SSBP3: variants seen among roughly 807,000 people sequenced by gnomAD.
SSBP3 encodes the protein single stranded DNA binding protein 3, also known as single-stranded DNA-binding protein 3.
SSBP3 carries 5 observed loss-of-function variants against 69.6 expected under a neutral mutation model. That is an observed-to-expected ratio of 0.07 (90% confidence interval 0.04 to 0.15). The LOEUF (loss-of-function observed/expected upper bound fraction) is 0.15, where lower values mean the gene tolerates loss of function less well. SSBP3 is among the 10% of genes least tolerant of loss of function. The pLI, the probability that SSBP3 is intolerant of heterozygous loss-of-function variation, is 1.00. For synonymous variants in SSBP3, 196 were observed against 193.4 expected, an observed-to-expected ratio of 1.01 and a Z score of -0.11; for missense variants, 312 against 534.0, an observed-to-expected ratio of 0.58 and a Z score of 4.10.
chr1:54,406,507 C>A (rs367822119), upstream of SSBP3: 1 of 152,308 alleles, frequency 6.6e-6, no homozygotes. Flanking sequence ...GGGCCCGGGC[C>A]GGCTGGGAGG....
chr1:54,330,686 C>T (rs1344013475), intron 4 of SSBP3, among the ~76,000 whole-genome samples: 3 of 147,764 alleles, frequency 2.0e-5, no homozygotes, highest in East Asian at 2.0e-4. Flanking sequence ...CAAATCTCAA[C>T]GCTCCAACCT....
At chr1:54,251,442 C>T (rs1198605103) in intron 9 of SSBP3, among the ~76,000 whole-genome samples, 174 bp downstream of exon 9, 2 of 152,206 alleles carry the variant, frequency 1.3e-5, no homozygotes, top group East Asian at 1.9e-4. Flanking sequence ...CCCTGGGCAG[C>T]GCGTGAAGCC....
chr1:54,240,768 G>A lies in SSBP3; in HGVS notation c.856+137C>T, dbSNP rs1228504737. 4 of 1,113,656 alleles carry A rather than the reference G, an allele frequency of 3.6e-6. No homozygotes were observed. The East Asian group carries it at 9.6e-5, about 27-fold the overall frequency. 69.0% of individuals were successfully genotyped at this position (1,113,656 alleles called of 1,614,324 possible). A position where few individuals can be genotyped will look rare whatever the true frequency, so the allele number is the denominator to read the frequency against. On this transcript the variant is annotated intron_variant, in intron 13 of 17. Transcript: ENST00000610401. ...TCAAGGGACCCCCTGCCCTCTAAAT[G>A]CCCAGTGGAAGATGTGCTGCCCAGG...
chr1:54,404,658 G>A lies in SSBP3; in HGVS notation c.130-21C>T, dbSNP rs779963228. 40 of 1,613,832 alleles carry A rather than the reference G, an allele frequency of 2.5e-5. No individual in the cohort carries two copies. The South Asian group carries it at 2.7e-4, about 11-fold the overall frequency. ...CGAATCTGGAAAGGTAAGAGCAGAAGCAGCTTAGAGGAGCAGAGACGGGGT... is the reference window on the plus strand; with the variant it reads ...CGAATCTGGAAAGGTAAGAGCAGAAACAGCTTAGAGGAGCAGAGACGGGGT... On this transcript the variant is annotated intron_variant, in intron 2 of 17. Coordinates refer to ENST00000610401, the Ensembl canonical transcript of SSBP3.
intron 4 of SSBP3, among the ~76,000 whole-genome samples, chr1:54,331,481 A>G (rs931166545): frequency 5.3e-5 from 8 of 152,254 alleles, no homozygotes; most frequent in African/African-American, 1.9e-4. Flanking sequence ...GACTGAAGAC[A>G]GTGACAAAGA....
rs916180731 is a variant in SSBP3, at chr1:54,369,543, G to A, written c.276+32318C>T. On this transcript the variant is annotated intron_variant, in intron 4 of 17. Coordinates refer to ENST00000610401, the Ensembl canonical transcript of SSBP3. ...CACTAGTTAGGTGACCGTGGCAGAC[G>A]GTTTCTGTGTCTCCACGTGAAGGAA... Among the ~76,000 whole-genome samples the A allele has an allele frequency of 9.8e-5, 15 of 152,290 alleles. 1 individual carries two copies. The highest frequency in any genetic ancestry group is 2.6e-4 in the African/African-American group (11 of 41,572).
At chr1:54,310,663 G>C (rs1387070509) in intron 4 of SSBP3, among the ~76,000 whole-genome samples, 3 of 139,914 alleles carry the variant, frequency 2.1e-5, no homozygotes, top group East Asian at 2.6e-4. Flanking sequence ...CACCAGCCCA[G>C]ACCAGGGCAA....
intron 17 of SSBP3, 113 bp downstream of exon 17, chr1:54,228,142 C>A (rs1005495099): frequency 1.4e-5 from 14 of 987,062 alleles, no homozygotes; most frequent in Admixed American, 3.6e-5. Flanking sequence ...AAAACCATAA[C>A]ACGGCCACCA....
intron 4 of SSBP3, among the ~76,000 whole-genome samples, chr1:54,338,053 T>C (rs1557544431): frequency 6.6e-6 from 1 of 152,226 alleles, no homozygotes; most frequent in Non-Finnish European, 1.5e-5. Flanking sequence ...TAACCATCCA[T>C]GACATCATGT....
rs75393188 is a variant in SSBP3, at chr1:54,290,311, A to G, written c.277-8784T>C. Among the ~76,000 whole-genome samples, 187 of 152,094 alleles carry G rather than the reference A, an allele frequency of 1.2e-3. 1 individual carries two copies. The highest frequency in any genetic ancestry group is 4.5e-3 in the African/African-American group (185 of 41,474). On this transcript the variant is annotated intron_variant, in intron 4 of 17. Transcript: ENST00000610401. ...GGGGGGCATAGGGAACTTAAACATG[A>G]CCCTTAGGTAAGGTGCCCAGCCAGA... is the stretch of plus-strand genomic sequence containing the variant.
At chr1:54,262,008 C>CT (rs1645024643) in intron 5 of SSBP3, among the ~76,000 whole-genome samples, 1 of 151,888 alleles carries the variant, frequency 6.6e-6, no homozygotes, top group Non-Finnish European at 1.5e-5. Context: ...TGAACCACAT[C>CT]TCCTAACTCT....
At chr1:54,350,988 C>A (rs973413096) in intron 4 of SSBP3, among the ~76,000 whole-genome samples, 2 of 152,030 alleles carry the variant, frequency 1.3e-5, no homozygotes, top group African/African-American at 4.8e-5. Context: ...CCAAGCCCAG[C>A]TAATCTTTTT....
upstream of SSBP3, among the ~76,000 whole-genome samples, chr1:54,408,071 C>T (rs76255737): frequency 0.012 from 1,761 of 152,242 alleles, 33 homozygotes; most frequent in African/African-American, 0.039. Context: ...ATGTAACAAC[C>T]TCCCTAAATT....
intron 5 of SSBP3, 79 bp downstream of exon 5, chr1:54,281,359 C>G (rs1197558175): frequency 8.3e-7 from 1 of 1,210,724 alleles, no homozygotes; most frequent in Non-Finnish European, 1.2e-6. Context: ...CTACTTACTT[C>G]TCTCCCGCCC....
intron 4 of SSBP3, among the ~76,000 whole-genome samples, chr1:54,389,455 G>C (rs1252590421): frequency 6.6e-6 from 1 of 152,024 alleles, no homozygotes; most frequent in Non-Finnish European, 1.5e-5. Flanking sequence ...TATGAGCCCA[G>C]GCCAGGCTTC....
chr1:54,365,719 T>C (rs1379075875), intron 4 of SSBP3, among the ~76,000 whole-genome samples: 1 of 152,144 alleles, frequency 6.6e-6, no homozygotes, highest in East Asian at 1.9e-4. Context: ...AAGCCTGCCT[T>C]CTCCCTGGAT....
chr1:54,378,006 G>T (rs868502316), intron 4 of SSBP3, among the ~76,000 whole-genome samples: 2 of 151,958 alleles, frequency 1.3e-5, no homozygotes, highest in African/African-American at 4.8e-5. Context: ...AATTCTGCTC[G>T]GCCTCAACAC....
At chr1:54,237,090 G>A (rs1319885010) in intron 14 of SSBP3, 2 of 152,172 alleles carry the variant, frequency 1.3e-5, no homozygotes, top group African/African-American at 4.8e-5. Context: ...CAGAAATCGA[G>A]AAGACGATCT....
chr1:54,396,194 A>G (rs1170031281), intron 4 of SSBP3, among the ~76,000 whole-genome samples: 218 of 76,104 alleles, frequency 2.9e-3, no homozygotes, highest in African/African-American at 0.018. Flanking sequence ...TCCATCTCAG[A>G]AAAAAAAAAA....
Sources: allele counts gnomAD v4.1 joint callset (sites outside exome capture counted in the v4.1 genomes callset), GRCh38; gene constraint gnomAD v4.1.1; transcripts MANE v1.5; gene names NCBI Gene and HGNC (gene_info 2026-07-23, HGNC 2026-07-21).